Variants in STRBP observed in about 807,000 individuals in gnomAD.
The protein encoded by STRBP is spermatid perinuclear RNA binding protein.
A neutral mutation model predicts 80.1 loss-of-function variants in STRBP; 13 were observed. The ratio of observed to expected loss-of-function variants is 0.16; its 90% CI spans 0.11 to 0.26. The LOEUF (loss-of-function observed/expected upper bound fraction) is 0.26, where lower values mean the gene tolerates loss of function less well. STRBP is among the 10% of genes least tolerant of loss of function. The pLI is 1.00. For missense variants in STRBP, 485 were observed against 815.2 expected (o/e 0.59, Z 4.93); for synonymous variants, 284 against 291.2 (o/e 0.98, Z 0.25).
chr9:123,241,563 C>T (rs958737220), intron 1 of STRBP, among the ~76,000 whole-genome samples: 9 of 151,750 alleles, frequency 5.9e-5, no homozygotes, highest in African/African-American at 2.2e-4. Context: ...ATACCTTGTT[C>T]CTCTCCCAAG....
chr9:123,116,156 G>A, intron 2 of STRBP: 1 of 452,858 alleles, frequency 2.2e-6, no homozygotes, highest in Non-Finnish European at 4.4e-6. Context: ...CATGATGGAA[G>A]AATCCAAGGG....
chr9:123,165,090 G>T (rs774111150), intron 6 of STRBP, among the ~76,000 whole-genome samples: 1 of 151,910 alleles, frequency 6.6e-6, no homozygotes, highest in Non-Finnish European at 1.5e-5. Context: ...AGATCATCCT[G>T]GCCAATATGG....
chr9:123,139,630 A>C lies in STRBP; in HGVS notation c.1396T>G (p.Ser466Ala). Residue 466 changes from serine (S) to alanine (A), a missense_variant, in exon 14 of 19, where the codon TCC becomes GCC. Physicochemically the swap from Ser to Ala is moderately conservative, Grantham distance 99. Around this residue, in one of 3 missense-constraint regions of STRBP, gnomAD observed 377 missense variants for 616.1 expected, o/e 0.61. Coordinates refer to ENST00000348403, the MANE Select transcript of STRBP (RefSeq NM_018387.5). ...CTTTCATTATCTGATTTTTCATCGG[A>C]ACTCATACATTCAATATCTGCATCA... The part of the protein sequence containing the change: ...GFDADIECMS[S>A]DEKSDNESKN... 6.2e-7 allele frequency: 1 copy of C among 1,612,940 alleles called. No homozygotes were observed. The highest frequency in any genetic ancestry group is 8.5e-7 in the Non-Finnish European group (1 of 1,179,794).
intron 1 of STRBP, among the ~76,000 whole-genome samples, chr9:123,240,281 T>C (rs1290310929): frequency 2.2e-5 from 3 of 134,250 alleles, no homozygotes; most frequent in Non-Finnish European, 4.4e-5. Context: ...TGTATGATGC[T>C]TTCTTCATGA....
intron 1 of STRBP, among the ~76,000 whole-genome samples, chr9:123,261,772 G>A (rs936344046): frequency 6.6e-6 from 1 of 152,080 alleles, no homozygotes; most frequent in Admixed American, 6.5e-5. Context: ...ATTCTCTCCA[G>A]CTTTTAATCA....
chr9:123,260,382 G>A (rs2041135245), intron 1 of STRBP, among the ~76,000 whole-genome samples: 1 of 152,214 alleles, frequency 6.6e-6, no homozygotes, highest in South Asian at 2.1e-4. Flanking sequence ...TCAGAAGAGA[G>A]GCTGGACCAC....
At chr9:123,222,070 C>T (rs987751833) in intron 2 of STRBP, among the ~76,000 whole-genome samples, 2 of 152,106 alleles carry the variant, frequency 1.3e-5, no homozygotes, top group Non-Finnish European at 2.9e-5. Flanking sequence ...ACCTGGCAAT[C>T]TTCTGCAAAG....
At chr9:123,210,423 G>GA (rs551451556) in intron 2 of STRBP, among the ~76,000 whole-genome samples, 102 of 120,668 alleles carry the variant, frequency 8.5e-4, no homozygotes, top group Non-Finnish European at 1.3e-3. Context: ...CAAAAGAAAA[G>GA]AAAAAAAAAA....
chr9:123,167,511 C>T (rs779569117), intron 6 of STRBP, among the ~76,000 whole-genome samples: 2 of 152,022 alleles, frequency 1.3e-5, no homozygotes, highest in Non-Finnish European at 1.5e-5. Flanking sequence ...CCCAGGAATA[C>T]ACAAACCAGT....
At chr9:123,166,791 CAA>C (rs1272665316) in intron 6 of STRBP, among the ~76,000 whole-genome samples, 4 of 120,154 alleles carry the variant, frequency 3.3e-5, no homozygotes, top group East Asian at 2.6e-4. Context: ...ACAACAACAA[CAA>C]AAAAACAAGC....
rs550944664 is a variant in STRBP, at chr9:123,235,690, C to A, written c.-165+1140G>T. On this transcript the variant is annotated intron_variant, in intron 2 of 18. Coordinates refer to ENST00000348403, the MANE Select transcript of STRBP (RefSeq NM_018387.5). ...TGGCACTCTTTGTCTGATCTCTTCC[C>A]TTTCATAGCAAAACTGAAGCTGTAA... Among the ~76,000 whole-genome samples the A allele has an allele frequency of 2.0e-5, 3 of 151,120 alleles. No homozygotes were observed. The East Asian group carries it at 5.8e-4, about 29-fold the overall frequency.
intron 2 of STRBP, among the ~76,000 whole-genome samples, chr9:123,225,682 G>A (rs1227184487): frequency 6.6e-6 from 1 of 152,114 alleles, no homozygotes; most frequent in Non-Finnish European, 1.5e-5. Context: ...GATGGTATTG[G>A]CGATTCAACC....
chr9:123,148,964 T>C (rs1019243248), intron 11 of STRBP, among the ~76,000 whole-genome samples: 20 of 152,320 alleles, frequency 1.3e-4, no homozygotes, highest in African/African-American at 4.8e-4. Context: ...TTTATAATGT[T>C]GTCAAGCAAA....
chr9:123,259,099 T>C (rs1002756175), intron 1 of STRBP, among the ~76,000 whole-genome samples: 11 of 150,880 alleles, frequency 7.3e-5, no homozygotes, highest in African/African-American at 1.7e-4. Flanking sequence ...CTGCAATAAT[T>C]TGGAGAAGGT....
At position 123,115,481 on chromosome 9, in the gene STRBP, T is replaced by A; in HGVS notation, c.*84+448A>T. 2 of 436,926 alleles carry A rather than the reference T, an allele frequency of 4.6e-6. No homozygotes were observed. Among genetic ancestry groups the A allele is most frequent in the Non-Finnish European group, 9.6e-6 (2 of 207,516 alleles). The allele number at this position is 436,926 out of a possible 1,614,324, so 27.1% of individuals were successfully genotyped here. Reference sequence around the variant, plus strand: ...TTCTGTTCAAATCCTCTGCACCTCTTTCTTCCCCTCCCTGTACTCTCCATC... The same window carrying A: ...TTCTGTTCAAATCCTCTGCACCTCTATCTTCCCCTCCCTGTACTCTCCATC... On this transcript the variant is annotated intron_variant and NMD_transcript_variant, in intron 3 of 3. Coordinates refer to the STRBP transcript ENST00000471564. This position sits in a 1 kb window ranked among gnomAD's most constrained non-coding sequence, Gnocchi z 5.0.
At position 123,123,532 on chromosome 9, in the gene STRBP, T is replaced by TAA. The variant is rs5900563; in HGVS notation, c.*2063_*2064dup. On this transcript the variant is annotated 3_prime_UTR_variant, in exon 19 of 19. Coordinates refer to ENST00000348403, the MANE Select transcript of STRBP (RefSeq NM_018387.5). ...AGTAACTTCCAACAAACAACAAAAT[T>TAA]AAAAAAAAAAAAAAAAGACTTGGTA... 6.5e-6 allele frequency: 6 copies of TAA among 918,758 alleles called. No homozygotes were observed. The highest frequency in any genetic ancestry group is 7.7e-6 in the Non-Finnish European group (6 of 774,746). 56.9% of individuals were successfully genotyped at this position (918,758 alleles called of 1,614,324 possible).
At chr9:123,241,431 C>T (rs1484779795) in intron 1 of STRBP, among the ~76,000 whole-genome samples, 1 of 152,034 alleles carries the variant, frequency 6.6e-6, no homozygotes, top group Non-Finnish European at 1.5e-5. Context: ...GTCACTTGAG[C>T]CCAGGAGCTC....
At chr9:123,224,293 C>T (rs184580201) in intron 2 of STRBP, among the ~76,000 whole-genome samples, 6 of 152,258 alleles carry the variant, frequency 3.9e-5, no homozygotes, top group African/African-American at 1.4e-4. Flanking sequence ...GCTGGACACA[C>T]CTGTAACAAA....
At chr9:123,253,356 G>T (rs1296660016) in intron 1 of STRBP, among the ~76,000 whole-genome samples, 6 of 152,126 alleles carry the variant, frequency 3.9e-5, no homozygotes, top group Non-Finnish European at 7.4e-5. Context: ...GGATAAAGTG[G>T]CAACTAACAA....
Sources: allele counts gnomAD v4.1 joint callset (sites outside exome capture counted in the v4.1 genomes callset), GRCh38; gene constraint gnomAD v4.1.1; regional missense constraint gnomAD v4.1.1; non-coding constraint Gnocchi (gnomAD v3.1); transcripts MANE v1.5; gene names NCBI Gene and HGNC (gene_info 2026-07-23, HGNC 2026-07-21).